SSC4D: variants seen among roughly 807,000 people sequenced by gnomAD.
SSC4D encodes scavenger receptor cysteine-rich domain-containing group B protein.
In SSC4D, 57 loss-of-function variants were observed where a neutral mutation model predicts 63.4. That is an observed-to-expected ratio of 0.90 (90% confidence interval 0.73 to 1.12). SSC4D has a LOEUF of 1.12. Ranked by LOEUF, SSC4D falls within the 50% of genes most tolerant of loss-of-function variation. SSC4D has a pLI of 0.00. For missense variants in SSC4D, 791 were observed against 806.4 expected (o/e 0.98, Z 0.23); for synonymous variants, 352 against 345.4 (o/e 1.02, Z -0.21).
At chr7:76,403,796 G>A (rs1804908029) in intron 2 of SSC4D, among the ~76,000 whole-genome samples, 1 of 151,800 alleles carries the variant, frequency 6.6e-6, no homozygotes, top group African/African-American at 2.4e-5. Context: ...TGAGTAGCTG[G>A]GATTACAGGT....
chr7:76,393,140 C>T (rs1004769492), intron 9 of SSC4D, among the ~76,000 whole-genome samples: 1 of 152,188 alleles, frequency 6.6e-6, no homozygotes, highest in East Asian at 1.9e-4. Context: ...TAGCCCTGAC[C>T]TTCGGACACC....
Position 76,393,655 on chromosome 7 carries a change from G to A in SSC4D, c.1083C>T (p.His361=). The change falls in exon 9 of 11, where the codon CAC becomes CAT. Residue 361 remains histidine, a synonymous_variant. Transcript: ENST00000275560. The part of the protein sequence containing the change: ...GPCRGRVEVL[H]AGGWGTVCDD... ...CGCACACGGTGCCCCAGCCCCCGGC[G>A]TGCAACACCTCCACGCGGCCGCGGC... The A allele has an allele frequency of 1.4e-6, 2 of 1,470,136 alleles. No individual in the cohort carries two copies. Among genetic ancestry groups the A allele is most frequent in the Non-Finnish European group, 1.8e-6 (2 of 1,116,500 alleles). 91.1% of individuals were successfully genotyped at this position (1,470,136 alleles called of 1,614,324 possible). A position where few individuals can be genotyped will look rare whatever the true frequency, so the allele number is the denominator to read the frequency against.
rs114180969 is a variant in SSC4D at position 76,395,280 on chromosome 7, C to A, written c.919G>T (p.Asp307Tyr). The A allele has an allele frequency of 1.2e-3, 1,954 of 1,613,920 alleles. 15 individuals are homozygous for A. In the African/African-American group the frequency reaches 0.021, roughly 18 times the overall value. The part of the protein sequence containing the change: ...TALPSSATRE[D>Y]WAWQTDPSAT... ...GACGGATCTGTCTGCCAAGCCCAGT[C>A]CTCTCTTGTGGCTGAGGATGGCAGT... The change falls in exon 7 of 11, where the codon GAC (aspartate) becomes TAC (tyrosine). Residue 307 changes from aspartate (D) to tyrosine (Y), a missense_variant. Transcript: ENST00000275560.
chr7:76,392,912 G>A (rs1371161852), intron 9 of SSC4D, among the ~76,000 whole-genome samples: 1 of 152,122 alleles, frequency 6.6e-6, no homozygotes, highest in Non-Finnish European at 1.5e-5. Flanking sequence ...CCAAATGAGG[G>A]TGAAGATATC....
At chr7:76,405,959 T>G (rs1357568377) in intron 1 of SSC4D, among the ~76,000 whole-genome samples, 1 of 147,908 alleles carries the variant, frequency 6.8e-6, no homozygotes, top group Non-Finnish European at 1.5e-5. Flanking sequence ...CCTTCCTTCC[T>G]TCCTTCTTCC....
chr7:76,404,607 C>T (rs556009195), intron 1 of SSC4D, 102 bp from the exon 2 acceptor site: 23 of 892,382 alleles, frequency 2.6e-5, no homozygotes, highest in South Asian at 2.3e-4. Context: ...GCCTGGGCAA[C>T]ATAGTGAGAC....
chr7:76,407,085 C>G (rs564021391), intron 1 of SSC4D, among the ~76,000 whole-genome samples: 1 of 151,912 alleles, frequency 6.6e-6, no homozygotes, highest in East Asian at 1.9e-4. Flanking sequence ...CTCAGCCTCC[C>G]GAGTAGCTGG....
chr7:76,406,784 G>C (rs1416258793), intron 1 of SSC4D, among the ~76,000 whole-genome samples: 1 of 139,378 alleles, frequency 7.2e-6, no homozygotes, highest in South Asian at 2.3e-4. Flanking sequence ...TCCTAAATCA[G>C]AAAAAAAAAA....
chr7:76,391,624 C>G (rs1804496263), intron 10 of SSC4D, among the ~76,000 whole-genome samples: 1 of 152,172 alleles, frequency 6.6e-6, no homozygotes, highest in South Asian at 2.1e-4. Context: ...TCTGTTACAT[C>G]CTATTGTGTC....
rs770541886 is a variant in SSC4D at position 76,397,661 on chromosome 7, G to T, written c.725C>A (p.Ala242Asp). The change falls in exon 6 of 11, where the codon GCC (alanine) becomes GAC (aspartate). Residue 242 changes from alanine to aspartate, a missense_variant. Physicochemically the swap from Ala to Asp is moderately radical, Grantham distance 126. Transcript: ENST00000275560. Reference sequence around the variant, plus strand: ...GTGTCCGGTGCCATAGCCGAAGAAGGCGTTGGTGGTGGCGGCCATGGCCGC... The same window carrying T: ...GTGTCCGGTGCCATAGCCGAAGAAGTCGTTGGTGGTGGCGGCCATGGCCGC... ...CGAAMAATTN[A>D]FFGYGTGHIL... is the part of the protein sequence containing the mutation. 2.5e-6 allele frequency: 4 copies of T among 1,613,644 alleles called. No individual in the cohort carries two copies. In the African/African-American group the frequency reaches 5.3e-5, roughly 22 times the overall value.
chr7:76,395,849 G>A (rs1457142346), intron 6 of SSC4D, among the ~76,000 whole-genome samples: 2 of 152,218 alleles, frequency 1.3e-5, no homozygotes, highest in African/African-American at 2.4e-5. Flanking sequence ...CTGCCAGCAC[G>A]CCTGGCTAAT....
At position 76,398,309 on chromosome 7, in the gene SSC4D, AT is replaced by A. The variant is rs575917641; in HGVS notation, c.553+410del. 9.7e-3 allele frequency among the ~76,000 whole-genome samples: 1,230 copies of A among 127,178 alleles called. 11 individuals are homozygous for A. The highest frequency in any genetic ancestry group is 0.021 in the African/African-American group (730 of 34,426). The allele number at this position is 127,178 out of a possible 152,430, so 83.4% of individuals were successfully genotyped here. A position where few individuals can be genotyped will look rare whatever the true frequency, so the allele number is the denominator to read the frequency against. On this transcript the variant is annotated intron_variant, in intron 5 of 10. Coordinates refer to ENST00000275560, the MANE Select transcript of SSC4D (RefSeq NM_080744.2). ...CAGTCTCACCGCCCATTCATTTTCTATTTTTTTTTTTTTTTTTTGAGACAGG... is the reference window on the plus strand; with the variant it reads ...CAGTCTCACCGCCCATTCATTTTCTATTTTTTTTTTTTTTTTTGAGACAGG...
chr7:76,397,404 A>G, intron 6 of SSC4D, 114 bp downstream of exon 6: 3 of 1,307,600 alleles, frequency 2.3e-6, no homozygotes, highest in Admixed American at 2.9e-5. Context: ...GGGAGCATCA[A>G]GACAGCCAAA....
At position 76,401,023 on chromosome 7, in the gene SSC4D, G is replaced by A; in HGVS notation, c.154C>T (p.Pro52Ser). 1 of 1,550,256 alleles carries A rather than the reference G, an allele frequency of 6.5e-7. No homozygotes were observed. Among genetic ancestry groups the A allele is most frequent in the Non-Finnish European group, 8.7e-7 (1 of 1,146,334 alleles). The change falls in exon 3 of 11, where the codon CCA becomes TCA. Residue 52 changes from proline (P) to serine (S), a missense_variant. By Grantham distance (74) the Pro-to-Ser change is moderately conservative (BLOSUM62 -1). Transcript: ENST00000275560. ...LPLASALQPTPLPFQELRLVG... is the reference protein window; with the variant it reads ...LPLASALQPTSLPFQELRLVG... The stretch of plus-strand genomic sequence containing the variant: ...GGGCACCTACCTTGAAAGGGCAGTG[G>A]AGTGGGCTGTAGGGCGCTGGCTGAA...
At chr7:76,404,546 C>G in intron 1 of SSC4D, 41 bp from the exon 2 acceptor site, 1 of 1,540,106 alleles carries the variant, frequency 6.5e-7, no homozygotes, top group Non-Finnish European at 8.9e-7. Context: ...CCTCCCAGCA[C>G]TTTGGGAGGC....
At chr7:76,395,448 A>G in intron 6 of SSC4D, 118 bp from the exon 7 acceptor site, 1 of 1,051,622 alleles carries the variant, frequency 9.5e-7, no homozygotes, top group Non-Finnish European at 1.4e-6. Flanking sequence ...TGTTACTTCC[A>G]GGGCTGGTGG....
At chr7:76,397,163 A>G (rs1252670239) in intron 6 of SSC4D, among the ~76,000 whole-genome samples, 5 of 151,672 alleles carry the variant, frequency 3.3e-5, no homozygotes, top group African/African-American at 2.4e-5. Context: ...GCTCACTGCA[A>G]CCTCCACCTC....
chr7:76,398,678 C>T, intron 5 of SSC4D, 42 bp downstream of exon 5: 1 of 1,597,222 alleles, frequency 6.3e-7, no homozygotes, highest in Non-Finnish European at 8.6e-7. Context: ...TGAGAGACTC[C>T]TCTCCCAAAA....
chr7:76,404,710 C>T (rs1371087561), intron 1 of SSC4D, among the ~76,000 whole-genome samples: 5 of 152,088 alleles, frequency 3.3e-5, no homozygotes, highest in South Asian at 2.1e-4. Context: ...GCGGGTGGAT[C>T]GCTTGAACCC....
Sources: gnomAD v4.1 joint callset for allele counts (sites outside exome capture counted in the v4.1 genomes callset) on GRCh38, gnomAD v4.1.1 for gene constraint, MANE v1.5 for transcripts, NCBI Gene and HGNC (gene_info 2026-07-23, HGNC 2026-07-21) for gene names.